SCRIB: variants seen among roughly 807,000 people sequenced by gnomAD.
SCRIB encodes protein scribble homolog.
A neutral mutation model predicts 170.0 loss-of-function variants in SCRIB; 72 were observed. That is an observed-to-expected ratio of 0.42 (90% CI 0.35 to 0.52). The LOEUF is 0.52. Ranked by LOEUF, SCRIB falls within the 20% of genes least tolerant of loss-of-function variation. SCRIB has a pLI of 0.02. For synonymous variants in SCRIB, 1,298 were observed against 1,044.3 expected (o/e 1.24, Z -4.68); for missense variants, 2,475 against 2,338.5 (o/e 1.06, Z -1.20).
chr8:143,807,788 G>C (rs782312725), intron 15 of SCRIB, among the ~76,000 whole-genome samples, 174 bp from the exon 16 acceptor site: 4 of 152,106 alleles, frequency 2.6e-5, no homozygotes, highest in Admixed American at 1.3e-4. Flanking sequence ...CACACACCTG[G>C]GGACAAGCGG....
chr8:143,810,626 G>C lies in SCRIB; in HGVS notation c.1405-22C>G, dbSNP rs1815666320. On this transcript the variant is annotated intron_variant, in intron 12 of 36. Coordinates refer to ENST00000356994, the MANE Select transcript of SCRIB (RefSeq NM_182706.5). ...GGCCCTGTTGTAGGGACAAGGATGA[G>C]CAGCAGCCACAGGGCAGGGGTCAGG... 5 of 1,608,740 alleles carry C rather than the reference G, an allele frequency of 3.1e-6. No individual in the cohort carries two copies. The African/African-American group carries it at 6.7e-5, about 21-fold the overall frequency.
At position 143,809,469 on chromosome 8, in the gene SCRIB, C is replaced by T. The variant is rs1019144359; in HGVS notation, c.1698+82G>A. The T allele has an allele frequency of 1.1e-5, 16 of 1,490,830 alleles. No homozygotes were observed. The Admixed American group carries it at 2.3e-4, about 22-fold the overall frequency. 92.4% of individuals were successfully genotyped at this position (1,490,830 alleles called of 1,614,324 possible). ...GGCCCAGGCACTGCCTGCACCAAAACCGATCCCAGCTGAGGCCCCGCAGGG... is the reference window on the plus strand; with the variant it reads ...GGCCCAGGCACTGCCTGCACCAAAATCGATCCCAGCTGAGGCCCCGCAGGG... On this transcript the variant is annotated intron_variant, in intron 14 of 36. Transcript: ENST00000356994.
At chr8:143,808,300 CG>C (rs1430013912) in intron 15 of SCRIB, among the ~76,000 whole-genome samples, 1 of 150,372 alleles carries the variant, frequency 6.7e-6, no homozygotes, top group Non-Finnish European at 1.5e-5. Context: ...CTGAGACCAA[CG>C]CCAGGGCAGG....
chr8:143,790,991 A>G lies in SCRIB; in HGVS notation c.*172T>C, dbSNP rs1820052383. On this transcript the variant is annotated 3_prime_UTR_variant, in exon 37 of 37. Coordinates refer to ENST00000356994, the MANE Select transcript of SCRIB (RefSeq NM_182706.5). Reference sequence around the variant, plus strand: ...AGTCTTTGGTTGTACAAACATCACTAGTTACAGTCTCGCCGAGGTCTCGGC... The same window carrying G: ...AGTCTTTGGTTGTACAAACATCACTGGTTACAGTCTCGCCGAGGTCTCGGC... 2 of 553,770 alleles carry G rather than the reference A, an allele frequency of 3.6e-6. No individual in the cohort carries two copies. The highest frequency in any genetic ancestry group is 1.3e-4 in the South Asian group (2 of 15,932). The allele number at this position is 553,770 out of a possible 1,614,324, so 34.3% of individuals were successfully genotyped here.
Position 143,791,982 on chromosome 8 carries a change from C to G in SCRIB, c.4657+9G>C, listed in dbSNP as rs535734949. 4 of 1,505,870 alleles carry G rather than the reference C, an allele frequency of 2.7e-6. No homozygotes were observed. The African/African-American group carries it at 5.6e-5, about 21-fold the overall frequency. 93.3% of individuals were successfully genotyped at this position (1,505,870 alleles called of 1,614,324 possible). On this transcript the variant is annotated intron_variant, in intron 33 of 36. Coordinates refer to ENST00000356994, the MANE Select transcript of SCRIB (RefSeq NM_182706.5). ...GGCTGACCCCCCCGACCTGCCCTGA[C>G]CCACAGACCTTCCACAGGGGTGGGC...
At position 143,803,637 on chromosome 8, in the gene SCRIB, G is replaced by C. The variant is rs532105413; in HGVS notation, c.3414+10C>G. ...GGGGCCCAGGGCGGGCTGGGGTGGG[G>C]GGGGCTCACCTTGGAGATGAAGATG... On this transcript the variant is annotated intron_variant, in intron 23 of 36. Coordinates refer to ENST00000356994, the MANE Select transcript of SCRIB (RefSeq NM_182706.5). The C allele has an allele frequency of 6.5e-7, 1 of 1,533,794 alleles. No homozygotes were observed. The highest frequency in any genetic ancestry group is 1.4e-5 in the African/African-American group (1 of 73,206).
rs376176980 is a variant in SCRIB at position 143,792,871 on chromosome 8, G to A, written c.4018-4C>T. 177 of 1,512,680 alleles carry A rather than the reference G, an allele frequency of 1.2e-4. No individual in the cohort carries two copies. The highest frequency in any genetic ancestry group is 1.5e-4 in the Non-Finnish European group (174 of 1,135,488). 93.7% of individuals were successfully genotyped at this position (1,512,680 alleles called of 1,614,324 possible). ...CTGCAGGCCCAGGCGTGGGGGGCTG[G>A]GGGGAGCGGACCTTGAGGTTTGGCT... On this transcript the variant is annotated splice_region_variant and splice_polypyrimidine_tract_variant and intron_variant, in intron 29 of 36. Coordinates refer to ENST00000356994, the MANE Select transcript of SCRIB (RefSeq NM_182706.5).
In SCRIB at chr8:143,802,929, G is replaced by A. The variant is rs572219378; in HGVS notation, c.3603+454C>T. ...AGGGGCTCCCTGGAGTCATGGCCCA[G>A]GGATGGGCTGAGAGGAGCAAGGTGC... On this transcript the variant is annotated intron_variant, in intron 24 of 36. Transcript: ENST00000356994. Among the ~76,000 whole-genome samples, 14 of 152,318 alleles carry A rather than the reference G, an allele frequency of 9.2e-5. No homozygotes were observed. In the South Asian group the frequency reaches 2.7e-3, roughly 29 times the overall value.
chr8:143,798,472 G>A (rs1200297597), intron 24 of SCRIB, among the ~76,000 whole-genome samples: 1 of 152,126 alleles, frequency 6.6e-6, no homozygotes, highest in Non-Finnish European at 1.5e-5. Flanking sequence ...TGTACCAGTG[G>A]TGTCACTGTT....
In SCRIB at chr8:143,804,723, C is replaced by T; in HGVS notation, c.2854G>A (p.Gly952Ser). 6.3e-7 allele frequency: 1 copy of T among 1,588,326 alleles called. No homozygotes were observed. Among genetic ancestry groups the T allele is most frequent in the Non-Finnish European group, 8.6e-7 (1 of 1,167,204 alleles). Residue 952 changes from glycine (G) to serine (S), a missense_variant, in exon 21 of 37, where the codon GGC becomes AGC. Physicochemically the swap from Gly to Ser is moderately conservative, Grantham distance 56. Around this residue, in one of 3 missense-constraint regions of SCRIB, gnomAD observed 1,966 missense variants for 1,742.9 expected, o/e 1.13. Coordinates refer to ENST00000356994, the MANE Select transcript of SCRIB (RefSeq NM_182706.5). ...GGCAGAGGGCTGGGAGGAAGAGGGC[C>T]CCCAGCCTCCCGCTCCAACAGCAGG... is the stretch of plus-strand genomic sequence containing the variant. ...IALLLEREAG[G>S]PLPPSPLPHS...
chr8:143,810,641 C>T (rs540247787), intron 12 of SCRIB, 37 bp from the exon 13 acceptor site: 5 of 1,605,716 alleles, frequency 3.1e-6, no homozygotes, highest in Non-Finnish European at 4.3e-6. Context: ...AGCCACAGGG[C>T]AGGGGTCAGG....
chr8:143,795,372 G>A (rs782298856), intron 25 of SCRIB, 39 bp from the exon 26 acceptor site: 2 of 1,612,684 alleles, frequency 1.2e-6, no homozygotes, highest in East Asian at 4.5e-5. Flanking sequence ...GGCACCACCG[G>A]CCTCGGGCTC....
chr8:143,804,160 G>A lies in SCRIB; in HGVS notation c.3010-4C>T, dbSNP rs781996907. The A allele has an allele frequency of 1.2e-6, 2 of 1,601,416 alleles. No individual in the cohort carries two copies. Among genetic ancestry groups the A allele is most frequent in the African/African-American group, 1.3e-5 (1 of 74,664 alleles). ...CAGCTCTTGGCAGACGGATCTCCTG[G>A]GGATTTAGGGCGGGACAAGGACAGG... On this transcript the variant is annotated splice_polypyrimidine_tract_variant and splice_region_variant and intron_variant, in intron 21 of 36. Transcript: ENST00000356994.
chr8:143,811,587 C>T (rs767981592), intron 9 of SCRIB, among the ~76,000 whole-genome samples: 2 of 152,266 alleles, frequency 1.3e-5, no homozygotes, highest in East Asian at 3.9e-4. Flanking sequence ...AACACCCCAC[C>T]AGGTCATCCC....
Position 143,806,992 on chromosome 8 carries a change from G to A in SCRIB, c.2200C>T (p.Gln734Ter). 6.2e-7 allele frequency: 1 copy of A among 1,613,068 alleles called. No individual in the cohort carries two copies. Among genetic ancestry groups the A allele is most frequent in the Non-Finnish European group, 8.5e-7 (1 of 1,179,538 alleles). ...ATGCTGATGCCCAGGCCCCCAGTCT[G>A]CCGCAGGATAGTGAGGGTCAGCTGG... is the stretch of plus-strand genomic sequence containing the variant. ...EEELTLTILRQTGGLGISIAG... is the reference protein window; with the variant it reads ...EEELTLTILR The change falls in exon 17 of 37, where the codon CAG becomes TAG. Residue 734 changes from glutamine to a stop codon, truncating the protein, a stop_gained. Coordinates refer to ENST00000356994, the MANE Select transcript of SCRIB (RefSeq NM_182706.5). LOFTEE classifies it high-confidence loss of function.
rs782134621 is a variant in SCRIB, at chr8:143,792,810, T to C, written c.4075A>G (p.Lys1359Glu). 6.4e-7 allele frequency: 1 copy of C among 1,557,962 alleles called. No homozygotes were observed. The highest frequency in any genetic ancestry group is 1.8e-5 in the Admixed American group (1 of 55,170). The stretch of plus-strand genomic sequence containing the variant: ...ACGCGCACCTCCAGCTCAAAGTACT[T>C]CTGCCGCTCCCGGAAGGACAGCTGC... ...PEQLSFRERQ[K>E]YFELEVRVPQ... Residue 1359 changes from lysine to glutamate, a missense_variant, in exon 30 of 37, where the codon AAG becomes GAG. Lys to Glu is a moderately conservative substitution (Grantham distance 56). Coordinates refer to ENST00000356994, the MANE Select transcript of SCRIB (RefSeq NM_182706.5).
chr8:143,813,117 A>C lies in SCRIB; in HGVS notation c.568-13T>G, dbSNP rs1204173067. 1.3e-6 allele frequency: 2 copies of C among 1,573,374 alleles called. No homozygotes were observed. Among genetic ancestry groups the C allele is most frequent in the Non-Finnish European group, 1.7e-6 (2 of 1,157,558 alleles). ...CCAGAGTGTCTGGCTGCAAGAAGGAACAGAGAAAATAGTGACTATGAGGCA... is the reference window on the plus strand; with the variant it reads ...CCAGAGTGTCTGGCTGCAAGAAGGACCAGAGAAAATAGTGACTATGAGGCA... On this transcript the variant is annotated splice_polypyrimidine_tract_variant and intron_variant, in intron 6 of 36. Transcript: ENST00000356994.
chr8:143,795,226 T>C (rs781988689), intron 26 of SCRIB, 51 bp downstream of exon 26: 5 of 1,608,658 alleles, frequency 3.1e-6, no homozygotes, highest in Admixed American at 1.7e-5. Context: ...ACAGGCAATG[T>C]GCACCCCGCT....
At chr8:143,803,624 G>A (rs782241638) in intron 23 of SCRIB, 23 bp downstream of exon 23, 20 of 1,533,180 alleles carry the variant, frequency 1.3e-5, no homozygotes, top group Admixed American at 5.8e-5. Flanking sequence ...GGCCCAGGGC[G>A]GGCTGGGGTG....
Sources: gnomAD v4.1 joint callset for allele counts (sites outside exome capture counted in the v4.1 genomes callset) on GRCh38, gnomAD v4.1.1 for gene constraint, gnomAD v4.1.1 regional missense constraint, MANE v1.5 for transcripts, NCBI Gene and HGNC (gene_info 2026-07-23, HGNC 2026-07-21) for gene names.